The following STPG1 variants were observed in gnomAD, a reference collection of about 807,000 sequenced individuals.
STPG1 encodes O(6)-methylguanine-induced apoptosis 2.
STPG1 carries 33 observed loss-of-function variants against 40.1 expected under a neutral mutation model. That is an observed-to-expected ratio of 0.82 (90% CI 0.62 to 1.10). STPG1 has a LOEUF of 1.10. Among genes scored for constraint, STPG1 ranks in the 50% least tolerant of loss-of-function variants. STPG1 has a pLI of 0.00. For synonymous variants in STPG1, 150 were observed against 155.0 expected (o/e 0.97, Z 0.24); for missense variants, 396 against 415.1 (o/e 0.95, Z 0.40).
At chr1:24,358,758 G>A in intron 8 of STPG1, 139 bp from the exon 9 acceptor site, 1 of 634,258 alleles carries the variant, frequency 1.6e-6, no homozygotes, top group East Asian at 2.7e-5. Flanking sequence ...AGACAGAGAG[G>A]AAGGAACTGG....
intron 2 of STPG1, among the ~76,000 whole-genome samples, chr1:24,394,487 G>A (rs1224649533): frequency 1.3e-5 from 2 of 152,128 alleles, no homozygotes; most frequent in Non-Finnish European, 2.9e-5. Context: ...TTCAAAGTGG[G>A]GAGAAAATAA....
intron 3 of STPG1, among the ~76,000 whole-genome samples, chr1:24,386,088 C>T (rs937190111): frequency 1.3e-5 from 2 of 152,200 alleles, no homozygotes; most frequent in Non-Finnish European, 2.9e-5. Context: ...GACCTAAATG[C>T]CGGCTCCATC....
chr1:24,391,482 G>T (rs1642768974), intron 3 of STPG1, 79 bp downstream of exon 3: 1 of 902,072 alleles, frequency 1.1e-6, no homozygotes, highest in Non-Finnish European at 1.7e-6. Context: ...GAAAGACACA[G>T]CAGCCAGACA....
At position 24,373,730 on chromosome 1, in the gene STPG1, G is replaced by A. The variant is rs373462478; in HGVS notation, c.543C>T (p.Phe181=). The A allele has an allele frequency of 4.3e-5, 70 of 1,611,640 alleles. No homozygotes were observed. Among genetic ancestry groups the A allele is most frequent in the Non-Finnish European group, 5.2e-5 (61 of 1,177,942 alleles). Residue 181 remains phenylalanine, a synonymous_variant, in exon 6 of 9, where the codon TTC becomes TTT. Coordinates refer to ENST00000337248, the MANE Select transcript of STPG1 (RefSeq NM_001199013.2). ...GFMSKTQRGS[F]AFADKGPPPG... ...GGGGAGGTCCTTTATCAGCAAAAGC[G>A]AAAGATCCTCTTTGGGTTTTTGACA...
rs1009132381 is a variant in STPG1, at chr1:24,407,174, C to A, written c.-68-5718G>T. On this transcript the variant is annotated intron_variant, in intron 1 of 8. Transcript: ENST00000337248. ...CAATTTTATTTTCATGGTACCTTGG[C>A]ATAATTTTCTTTATGTCTTTAATAT... 4.6e-5 allele frequency among the ~76,000 whole-genome samples: 7 copies of A among 152,168 alleles called. No individual in the cohort carries two copies. In the East Asian group the frequency reaches 1.4e-3, roughly 29 times the overall value.
rs541713244 is a variant in STPG1 at position 24,359,464 on chromosome 1, C to A, written c.929-845G>T. The stretch of plus-strand genomic sequence containing the variant: ...GTTCTCCTCGACTGACTAGATGAGC[C>A]CCAGATCAAACCTCTACAGCCTTGC... On this transcript the variant is annotated intron_variant, in intron 8 of 8. Coordinates refer to ENST00000337248, the MANE Select transcript of STPG1 (RefSeq NM_001199013.2). This position sits in a 1 kb window ranked among gnomAD's most constrained non-coding sequence, Gnocchi z 5.3. 1.2e-4 allele frequency among the ~76,000 whole-genome samples: 18 copies of A among 152,296 alleles called. No individual in the cohort carries two copies. In the South Asian group the frequency reaches 3.5e-3, roughly 30 times the overall value.
At chr1:24,403,476 T>C (rs1643301954) in intron 1 of STPG1, among the ~76,000 whole-genome samples, 1 of 152,154 alleles carries the variant, frequency 6.6e-6, no homozygotes, top group African/African-American at 2.4e-5. Flanking sequence ...AACTTACAGG[T>C]CAATTTCTAC....
At chr1:24,367,218 C>G (rs910091156) in intron 7 of STPG1, among the ~76,000 whole-genome samples, 1 of 152,160 alleles carries the variant, frequency 6.6e-6, no homozygotes, top group Non-Finnish European at 1.5e-5. Context: ...ACCTGAGCCT[C>G]CAGTACAGAA....
chr1:24,401,738 G>T (rs748679181), intron 1 of STPG1, among the ~76,000 whole-genome samples: 9 of 152,084 alleles, frequency 5.9e-5, no homozygotes, highest in Non-Finnish European at 1.2e-4. Context: ...TGTCACCCAG[G>T]CCGGAGTGTA....
At chr1:24,410,483 C>G (rs1643573967) in intron 1 of STPG1, among the ~76,000 whole-genome samples, 1 of 152,114 alleles carries the variant, frequency 6.6e-6, no homozygotes, top group African/African-American at 2.4e-5. Context: ...GTGGCGTGCA[C>G]CTGTAGTCCC....
intron 2 of STPG1, 166 bp from the exon 3 acceptor site, chr1:24,391,845 ACT>A: frequency 7.5e-7 from 1 of 1,326,460 alleles, no homozygotes; most frequent in Non-Finnish European, 9.7e-7. Context: ...AAAATTCCCC[ACT>A]TTCTTTCCCT....
At chr1:24,373,446 G>A (rs180998260) in intron 6 of STPG1, among the ~76,000 whole-genome samples, 52 of 152,330 alleles carry the variant, frequency 3.4e-4, no homozygotes, top group Non-Finnish European at 5.9e-4. Context: ...GCTGCCCAGA[G>A]CAGGTATGCC....
At chr1:24,400,320 A>G (rs2148711389) in intron 2 of STPG1, among the ~76,000 whole-genome samples, 1 of 152,364 alleles carries the variant, frequency 6.6e-6, no homozygotes, top group Non-Finnish European at 1.5e-5. Flanking sequence ...TATTAATGAT[A>G]TGAGAAGTCA....
intron 4 of STPG1, among the ~76,000 whole-genome samples, chr1:24,381,055 G>A (rs1642261248): frequency 6.6e-6 from 1 of 152,116 alleles, no homozygotes; most frequent in Non-Finnish European, 1.5e-5. Flanking sequence ...TGGATCTTAT[G>A]ATTATCTCTA....
At chr1:24,395,178 C>T (rs1015673271) in intron 2 of STPG1, among the ~76,000 whole-genome samples, 4 of 151,598 alleles carry the variant, frequency 2.6e-5, no homozygotes, top group African/African-American at 9.7e-5. Flanking sequence ...AAAAAAAAAC[C>T]TGTCACCCTA....
chr1:24,387,149 C>T (rs532075485), intron 3 of STPG1, among the ~76,000 whole-genome samples: 28 of 152,178 alleles, frequency 1.8e-4, no homozygotes, highest in African/African-American at 6.0e-4. Flanking sequence ...GGGATGGGGG[C>T]AAAAATGCAA....
chr1:24,381,394 T>C (rs1642277371), intron 4 of STPG1, among the ~76,000 whole-genome samples: 1 of 152,142 alleles, frequency 6.6e-6, no homozygotes, highest in Non-Finnish European at 1.5e-5. Context: ...TACACACCCC[T>C]TGGTTTACTT....
chr1:24,389,088 A>G (rs947840089), intron 3 of STPG1, among the ~76,000 whole-genome samples: 2 of 152,262 alleles, frequency 1.3e-5, no homozygotes, highest in Non-Finnish European at 2.9e-5. Context: ...ACATTTAAAA[A>G]GTTGGAACCC....
At chr1:24,385,852 C>T (rs1642482889) in intron 3 of STPG1, among the ~76,000 whole-genome samples, 1 of 152,158 alleles carries the variant, frequency 6.6e-6, no homozygotes, top group Non-Finnish European at 1.5e-5. Context: ...TTTGTAAGTC[C>T]AAGGTGTTGG....
Sources: gnomAD v4.1 joint callset for allele counts (sites outside exome capture counted in the v4.1 genomes callset) on GRCh38, gnomAD v4.1.1 for gene constraint, Gnocchi (gnomAD v3.1) non-coding constraint, MANE v1.5 for transcripts, NCBI Gene and HGNC (gene_info 2026-07-23, HGNC 2026-07-21) for gene names.